ZNF562: variants seen among roughly 807,000 people sequenced by gnomAD.
The protein encoded by ZNF562 is zinc finger protein 562.
A neutral mutation model predicts 17.5 loss-of-function variants in ZNF562; 13 were observed. That is an observed-to-expected ratio of 0.74 (90% CI 0.48 to 1.18). The LOEUF (loss-of-function observed/expected upper bound fraction) is 1.18, where lower values mean the gene tolerates loss of function less well. Among genes scored for constraint, ZNF562 ranks in the 50% most tolerant of loss-of-function variants. The probability of loss-of-function intolerance (pLI) is 0.00; values close to 1 mark genes in which losing one functional copy is unlikely to be tolerated. For missense variants in ZNF562, 481 were observed against 498.5 expected, an observed-to-expected ratio of 0.96 and a Z score of 0.33; for synonymous variants, 163 against 165.4, an observed-to-expected ratio of 0.99 and a Z score of 0.11.
intron 2 of ZNF562, 85 bp from the exon 3 acceptor site, chr19:9,659,552 C>T (rs1409917449): frequency 2.1e-5 from 31 of 1,485,772 alleles, no homozygotes; most frequent in Admixed American, 4.4e-5. Context: ...CTTGAAATTC[C>T]CATATGCTCC....
At chr19:9,669,758 A>G (rs191733022) in intron 1 of ZNF562, among the ~76,000 whole-genome samples, 6 of 150,656 alleles carry the variant, frequency 4.0e-5, no homozygotes, top group East Asian at 2.0e-4. Flanking sequence ...ACACACACAC[A>G]CACACACACA....
At chr19:9,669,758 A>ACGCACG (rs1568282160) in intron 1 of ZNF562, among the ~76,000 whole-genome samples, 2 of 150,658 alleles carry the variant, frequency 1.3e-5, no homozygotes, top group South Asian at 2.1e-4. Flanking sequence ...ACACACACAC[A>ACGCACG]CACACACACA....
At position 9,660,763 on chromosome 19, in the gene ZNF562, A is replaced by AGATGT; in HGVS notation, c.-24_-20dup. The AGATGT allele has an allele frequency of 6.2e-7, 1 of 1,613,364 alleles. No individual in the cohort carries two copies. The highest frequency in any genetic ancestry group is 8.5e-7 in the Non-Finnish European group (1 of 1,179,582). ...CTGACATCCTCTGAAGCTGATGGTGAGATGTGCCTCAATGCTGTCTTTCTT... is the reference window on the plus strand; with the variant it reads ...CTGACATCCTCTGAAGCTGATGGTGAGATGTGATGTGCCTCAATGCTGTCTTTCTT... On this transcript the variant is annotated 5_prime_UTR_variant, in exon 2 of 6. Coordinates refer to ENST00000453372, the MANE Select transcript of ZNF562 (RefSeq NM_001130031.2).
chr19:9,648,679 T>C lies in ZNF562; in HGVS notation c.*4270A>G, dbSNP rs973390437. On this transcript the variant is annotated 3_prime_UTR_variant, in exon 6 of 6. Transcript: ENST00000453372. ...TTTTTTTTTTGTTTTGTTTTTGTTT[T>C]TTTTTTTGAGATGGGGTCTTGCTAT... 1 of 151,970 alleles carries C rather than the reference T, an allele frequency of 6.6e-6. No individual in the cohort carries two copies. Among genetic ancestry groups the C allele is most frequent in the African/African-American group, 2.4e-5 (1 of 41,386 alleles). The allele number at this position is 151,970 out of a possible 1,614,324, so 9.4% of individuals were successfully genotyped here.
rs1599261286 is a variant in ZNF562, at chr19:9,651,339, T to C, written c.*1610A>G. ...CTGTATTCTAGCATTTTACGGAAGG[T>C]AGAGCTTGAGACAGATAAAATGGTA... On this transcript the variant is annotated 3_prime_UTR_variant, in exon 6 of 6. Coordinates refer to ENST00000453372, the MANE Select transcript of ZNF562 (RefSeq NM_001130031.2). 1 of 152,180 alleles carries C rather than the reference T, an allele frequency of 6.6e-6. No homozygotes were observed. The highest frequency in any genetic ancestry group is 1.5e-5 in the Non-Finnish European group (1 of 68,044). The allele number at this position is 152,180 out of a possible 1,614,324, so 9.4% of individuals were successfully genotyped here.
chr19:9,656,460 G>T, intron 5 of ZNF562, 87 bp downstream of exon 5: 2 of 1,439,762 alleles, frequency 1.4e-6, no homozygotes, highest in Admixed American at 1.7e-5. Flanking sequence ...GGTGAGCTGA[G>T]ATGGTGCCAC....
intron 3 of ZNF562, among the ~76,000 whole-genome samples, chr19:9,658,700 ATTT>A (rs781638626): frequency 6.0e-4 from 91 of 152,042 alleles, no homozygotes; most frequent in Non-Finnish European, 1.2e-3. Context: ...TGATCTATTT[ATTT>A]TTAATTTTTT....
intron 3 of ZNF562, 30 bp downstream of exon 3, chr19:9,659,349 A>G: frequency 6.5e-7 from 1 of 1,535,422 alleles, no homozygotes; most frequent in Non-Finnish European, 8.8e-7. Flanking sequence ...TAAGTATGTC[A>G]TTTTGTACAA....
At chr19:9,669,734 G>GCC (rs1221319747) in intron 1 of ZNF562, among the ~76,000 whole-genome samples, 1 of 109,302 alleles carries the variant, frequency 9.1e-6, no homozygotes, top group South Asian at 3.5e-4. Context: ...GCGCGCGCGC[G>GCC]CACACACACA....
chr19:9,653,992 ATTTTTTT>A, intron 5 of ZNF562, 111 bp from the exon 6 acceptor site: 1 of 1,007,110 alleles, frequency 9.9e-7, no homozygotes, highest in Non-Finnish European at 1.3e-6. Context: ...TTAATGTTTA[ATTTTTTT>A]TTTTTTTTTG....
Position 9,652,707 on chromosome 19 carries a change from A to C in ZNF562, c.*242T>G, listed in dbSNP as rs1357821719. 4 of 346,270 alleles carry C rather than the reference A, an allele frequency of 1.2e-5. No individual in the cohort carries two copies. In the East Asian group the frequency reaches 1.9e-4, roughly 17 times the overall value. The allele number at this position is 346,270 out of a possible 1,614,324, so 21.4% of individuals were successfully genotyped here. ...TTACAACCTCCAAAAGGCATTTAGGACTAATCTGATGATCTTTGCACTGCC... is the reference window on the plus strand; with the variant it reads ...TTACAACCTCCAAAAGGCATTTAGGCCTAATCTGATGATCTTTGCACTGCC... On this transcript the variant is annotated 3_prime_UTR_variant, in exon 6 of 6. Transcript: ENST00000453372.
Position 9,647,974 on chromosome 19 carries a change from G to A in ZNF562, c.*4975C>T, listed in dbSNP as rs898496483. On this transcript the variant is annotated 3_prime_UTR_variant, in exon 6 of 6. Transcript: ENST00000453372. Reference sequence around the variant, plus strand: ...TTGCCCAGGCTGGTTTGAACTCCTTGGCTCAAGGGATCTTTTTGCCTCAGC... The same window carrying A: ...TTGCCCAGGCTGGTTTGAACTCCTTAGCTCAAGGGATCTTTTTGCCTCAGC... 2.6e-5 allele frequency: 4 copies of A among 152,092 alleles called. No individual in the cohort carries two copies. The highest frequency in any genetic ancestry group is 5.9e-5 in the Non-Finnish European group (4 of 68,030). The allele number at this position is 152,092 out of a possible 1,614,324, so 9.4% of individuals were successfully genotyped here. A position where few individuals can be genotyped will look rare whatever the true frequency, so the allele number is the denominator to read the frequency against.
Position 9,652,892 on chromosome 19 carries a change from G to GT in ZNF562, c.*56dup. On this transcript the variant is annotated 3_prime_UTR_variant, in exon 6 of 6. Coordinates refer to ENST00000453372, the MANE Select transcript of ZNF562 (RefSeq NM_001130031.2). ...TTTACATACAAAAGGTTTCTCTCTG[G>GT]TAGGAGTTCACAGGTGGGGTGAGGA... 7.0e-7 allele frequency: 1 copy of GT among 1,433,570 alleles called. No homozygotes were observed. The highest frequency in any genetic ancestry group is 9.2e-7 in the Non-Finnish European group (1 of 1,083,472). 88.8% of individuals were successfully genotyped at this position (1,433,570 alleles called of 1,614,324 possible). A position where few individuals can be genotyped will look rare whatever the true frequency, so the allele number is the denominator to read the frequency against.
rs949991947 is a variant in ZNF562 at position 9,651,873 on chromosome 19, C to G, written c.*1076G>C. On this transcript the variant is annotated 3_prime_UTR_variant, in exon 6 of 6. Transcript: ENST00000453372. ...CCCACTCTGCACTATATTTCTGTGT[C>G]TTTGTCTTAATTCCTCTAGAGCCAC... 1 of 152,242 alleles carries G rather than the reference C, an allele frequency of 6.6e-6. No individual in the cohort carries two copies. Among genetic ancestry groups the G allele is most frequent in the African/African-American group, 2.4e-5 (1 of 41,468 alleles). The allele number at this position is 152,242 out of a possible 1,614,324, so 9.4% of individuals were successfully genotyped here. A position where few individuals can be genotyped will look rare whatever the true frequency, so the allele number is the denominator to read the frequency against.
At chr19:9,655,020 C>A (rs2144968673) in intron 5 of ZNF562, among the ~76,000 whole-genome samples, 1 of 152,232 alleles carries the variant, frequency 6.6e-6, no homozygotes, top group East Asian at 1.9e-4. Flanking sequence ...GAGACAGGGT[C>A]TCACTCTGTC....
Position 9,658,251 on chromosome 19 carries a change from G to T in ZNF562, c.115-116C>A, listed in dbSNP as rs1210711064. The T allele has an allele frequency of 2.1e-6, 3 of 1,396,788 alleles. No individual in the cohort carries two copies. The African/African-American group carries it at 4.3e-5, about 20-fold the overall frequency. 86.5% of individuals were successfully genotyped at this position (1,396,788 alleles called of 1,614,324 possible). A position where few individuals can be genotyped will look rare whatever the true frequency, so the allele number is the denominator to read the frequency against. On this transcript the variant is annotated intron_variant, in intron 3 of 5. Coordinates refer to ENST00000453372, the MANE Select transcript of ZNF562 (RefSeq NM_001130031.2). ...TATACGTGGTTCTCAAGTCTCCCAT[G>T]ATCTACTCCAGGGTTTAATGTCTCA...
At chr19:9,669,705 TGCACGCGCGCGA>T (rs371770932) in intron 1 of ZNF562, among the ~76,000 whole-genome samples, 5,657 of 102,592 alleles carry the variant, frequency 0.055, 269 homozygotes, top group African/African-American at 0.18. Flanking sequence ...CCTGTCTGCA[TGCACGCGCGCGA>T]GCGCGCGCGC....
rs1334469116 is a variant in ZNF562, at chr19:9,645,602, G to A, written c.*7347C>T. 1.3e-5 allele frequency: 2 copies of A among 152,152 alleles called. No homozygotes were observed. Among genetic ancestry groups the A allele is most frequent in the African/African-American group, 2.4e-5 (1 of 41,448 alleles). 9.4% of individuals were successfully genotyped at this position (152,152 alleles called of 1,614,324 possible). On this transcript the variant is annotated 3_prime_UTR_variant, in exon 6 of 6. Coordinates refer to ENST00000453372, the MANE Select transcript of ZNF562 (RefSeq NM_001130031.2). ...AGCAAGGACTGGCTCACATAAAAAG[G>A]AGAGAGATTGCACCTTCAGAGAGTA...
chr19:9,664,315 C>T (rs952260318), intron 1 of ZNF562, among the ~76,000 whole-genome samples: 4 of 152,188 alleles, frequency 2.6e-5, no homozygotes, highest in African/African-American at 4.8e-5. Flanking sequence ...GTGGTCCACC[C>T]GCCCCAGCCT....
Sources: allele counts gnomAD v4.1 joint callset (sites outside exome capture counted in the v4.1 genomes callset), GRCh38; gene constraint gnomAD v4.1.1; transcripts MANE v1.5; gene names NCBI Gene and HGNC (gene_info 2026-07-23, HGNC 2026-07-21).